The following ABCB5 variants were observed in gnomAD, a reference collection of about 807,000 sequenced individuals.
ABCB5 encodes the protein ATP-binding cassette sub-family B member 5.
Under a neutral mutation model 144.2 loss-of-function variants are expected in ABCB5, and 155 were observed. That is an observed-to-expected ratio of 1.08 (90% CI 0.94 to 1.23). ABCB5 has a LOEUF of 1.23. Among genes scored for constraint, ABCB5 ranks in the 50% most tolerant of loss-of-function variants. ABCB5 has a pLI of 0.00. For synonymous variants in ABCB5, 610 were observed against 528.6 expected, an observed-to-expected ratio of 1.15 and a Z score of -2.11; for missense variants, 1,830 against 1,520.8, an observed-to-expected ratio of 1.20 and a Z score of -3.38.
intron 1 of ABCB5, among the ~76,000 whole-genome samples, chr7:20,616,238 G>T (rs1299061462): frequency 6.6e-6 from 1 of 152,148 alleles, no homozygotes; most frequent in Non-Finnish European, 1.5e-5. Flanking sequence ...GTTTCACCTT[G>T]TTGGACAGGC....
Position 20,745,232 on chromosome 7 carries a change from C to T in ABCB5, c.3223C>T (p.Leu1075=), listed in dbSNP as rs756771192. 45 of 1,613,742 alleles carry T rather than the reference C, an allele frequency of 2.8e-5. No homozygotes were observed. The East Asian group carries it at 9.1e-4, about 33-fold the overall frequency. The change falls in exon 26 of 28, where the codon CTG becomes TTG. Residue 1075 remains leucine, a splice_region_variant and synonymous_variant. Transcript: ENST00000404938. ...RLYDPVQGQV[L]FDGVDAKELN... is the part of the protein sequence containing the mutation. ...CCATTCTCCAATCTGCTTTTGGCAGCTGTTTGATGGTGTGGATGCAAAAGA... is the reference window on the plus strand; with the variant it reads ...CCATTCTCCAATCTGCTTTTGGCAGTTGTTTGATGGTGTGGATGCAAAAGA...
Position 20,628,836 on chromosome 7 carries a change from C to A in ABCB5, c.257C>A (p.Thr86Lys), listed in dbSNP as rs772177449. The change falls in exon 4 of 28, where the codon ACA (threonine) becomes AAA (lysine). Residue 86 changes from threonine (T) to lysine (K), a missense_variant and splice_region_variant. Transcript: ENST00000404938. ...AGTGGATGTCTAGTCCAAACTAACA[C>A]AAGTGAGTATACGATTATTTTTCTG... The part of the protein sequence containing the change: ...LISGCLVQTN[T>K]TNYQNCTQSQ... 1.2e-4 allele frequency: 192 copies of A among 1,613,202 alleles called. No homozygotes were observed. Among genetic ancestry groups the A allele is most frequent in the Non-Finnish European group, 1.5e-4 (180 of 1,179,660 alleles).
At chr7:20,642,171 T>G (rs1784308954) in intron 5 of ABCB5, among the ~76,000 whole-genome samples, 1 of 152,180 alleles carries the variant, frequency 6.6e-6, no homozygotes, top group Non-Finnish European at 1.5e-5. Flanking sequence ...AAAGATCTTC[T>G]GCTTCTCCTG....
chr7:20,697,769 G>A (rs900060359), intron 16 of ABCB5, among the ~76,000 whole-genome samples: 30 of 152,192 alleles, frequency 2.0e-4, no homozygotes, highest in African/African-American at 5.8e-4. Context: ...AGTTGCAAAT[G>A]TACTGAATAA....
intron 20 of ABCB5, among the ~76,000 whole-genome samples, chr7:20,718,201 G>A (rs1056655080): frequency 3.3e-5 from 5 of 152,020 alleles, no homozygotes; most frequent in African/African-American, 1.2e-4. Flanking sequence ...GAGCCACGGC[G>A]CCTGGCCCAA....
intron 19 of ABCB5, among the ~76,000 whole-genome samples, chr7:20,701,360 TTATC>T (rs1786621176): frequency 6.6e-6 from 1 of 152,238 alleles, no homozygotes; most frequent in South Asian, 2.1e-4. Context: ...TTCTTTAAAT[TTATC>T]TTTTTCCCTG....
chr7:20,730,625 A>T (rs1167108113), intron 23 of ABCB5, among the ~76,000 whole-genome samples: 4 of 152,228 alleles, frequency 2.6e-5, no homozygotes, highest in Admixed American at 2.6e-4. Context: ...AATTATATTT[A>T]GGCTTGGGTT....
intron 16 of ABCB5, among the ~76,000 whole-genome samples, chr7:20,687,689 A>G (rs1786047044): frequency 6.6e-6 from 1 of 152,214 alleles, no homozygotes; most frequent in Admixed American, 6.5e-5. Flanking sequence ...GACTGTGGTA[A>G]TCCAGTGAAA....
At position 20,649,925 on chromosome 7, in the gene ABCB5, ATT is replaced by A. The variant is rs1784526430; in HGVS notation, c.1207-95_1207-94del. The A allele has an allele frequency of 2.9e-6, 4 of 1,356,664 alleles. No individual in the cohort carries two copies. The East Asian group carries it at 1.0e-4, about 35-fold the overall frequency. The allele number at this position is 1,356,664 out of a possible 1,614,324, so 84.0% of individuals were successfully genotyped here. A position where few individuals can be genotyped will look rare whatever the true frequency, so the allele number is the denominator to read the frequency against. ...AAGATCTAAATTTGTTTTTAGAAGA[ATT>A]TGTTTTTGGTTATAATTATGTACTC... is the stretch of plus-strand genomic sequence containing the variant. On this transcript the variant is annotated intron_variant, in intron 11 of 27. Coordinates refer to ENST00000404938, the MANE Select transcript of ABCB5 (RefSeq NM_001163941.2).
At chr7:20,750,419 C>CACAT (rs1457945951) in intron 26 of ABCB5, among the ~76,000 whole-genome samples, 1 of 144,970 alleles carries the variant, frequency 6.9e-6, no homozygotes, top group African/African-American at 2.5e-5. Context: ...CACACACACA[C>CACAT]ATATACACAC....
At chr7:20,708,529 C>A (rs1386501579) in intron 20 of ABCB5, among the ~76,000 whole-genome samples, 8 of 152,088 alleles carry the variant, frequency 5.3e-5, no homozygotes, top group Non-Finnish European at 1.0e-4. Flanking sequence ...TCAATCTTGG[C>A]CTTGAATTCA....
intron 14 of ABCB5, 85 bp downstream of exon 14, chr7:20,658,761 T>C: frequency 6.8e-7 from 1 of 1,471,196 alleles, no homozygotes; most frequent in South Asian, 1.3e-5. Flanking sequence ...CTGTAATAGA[T>C]TACTCAAGTT....
intron 20 of ABCB5, among the ~76,000 whole-genome samples, chr7:20,711,105 G>A (rs1787010843): frequency 6.7e-6 from 1 of 149,400 alleles, no homozygotes; most frequent in African/African-American, 2.5e-5. Flanking sequence ...TGCTATTGTT[G>A]TCATACAGTC....
At chr7:20,677,724 G>A (rs1785662073) in intron 14 of ABCB5, among the ~76,000 whole-genome samples, 1 of 152,086 alleles carries the variant, frequency 6.6e-6, no homozygotes, top group African/African-American at 2.4e-5. Context: ...GCGAGACTCT[G>A]TCTCAATAAT....
chr7:20,699,748 A>T, intron 17 of ABCB5, 77 bp from the exon 18 acceptor site: 1 of 906,272 alleles, frequency 1.1e-6, no homozygotes. Context: ...AAAACTCCTG[A>T]TATACAGAAA....
At chr7:20,685,291 CAGCCTCACATATAAGT>C (rs1488940315) in intron 15 of ABCB5, among the ~76,000 whole-genome samples, 1 of 152,178 alleles carries the variant, frequency 6.6e-6, no homozygotes, top group Non-Finnish European at 1.5e-5. Flanking sequence ...CTCTCAGGCC[CAGCCTCACATATAAGT>C]ACCCAACTAA....
chr7:20,617,338 C>T (rs553338426), intron 1 of ABCB5, among the ~76,000 whole-genome samples: 2 of 152,202 alleles, frequency 1.3e-5, no homozygotes, highest in South Asian at 4.1e-4. Flanking sequence ...TGGGGCAAGG[C>T]CTAGGTAGGT....
chr7:20,637,170 A>T (rs1401263566), intron 5 of ABCB5, among the ~76,000 whole-genome samples: 1 of 152,206 alleles, frequency 6.6e-6, no homozygotes. Context: ...AGTATAAGGT[A>T]ATAGTACTTC....
At chr7:20,755,178 A>G (rs1783048946) in intron 27 of ABCB5, among the ~76,000 whole-genome samples, 2 of 152,130 alleles carry the variant, frequency 1.3e-5, no homozygotes, top group South Asian at 4.1e-4. Flanking sequence ...CGAACTCCTG[A>G]CCTCAGGTGA....
Sources: gnomAD v4.1 joint callset for allele counts (sites outside exome capture counted in the v4.1 genomes callset) on GRCh38, gnomAD v4.1.1 for gene constraint, MANE v1.5 for transcripts, NCBI Gene and HGNC (gene_info 2026-07-23, HGNC 2026-07-21) for gene names.